The following AGMO variants were observed in gnomAD, a reference collection of about 807,000 sequenced individuals.
The protein encoded by AGMO is glyceryl-ether monooxygenase.
AGMO carries 75 observed loss-of-function variants against 60.2 expected under a neutral mutation model. The ratio of observed to expected loss-of-function variants is 1.25; its 90% CI spans 1.03 to 1.51. The LOEUF (loss-of-function observed/expected upper bound fraction) is 1.51. Among genes scored for constraint, AGMO ranks in the 40% most tolerant of loss-of-function variants. AGMO has a pLI of 0.00. For synonymous variants in AGMO, 261 were observed against 177.1 expected (o/e 1.47, Z -3.76); for missense variants, 763 against 525.5 (o/e 1.45, Z -4.42).
intron 12 of AGMO, among the ~76,000 whole-genome samples, chr7:15,320,426 G>A (rs1315122659): frequency 6.6e-6 from 1 of 151,634 alleles, no homozygotes; most frequent in Non-Finnish European, 1.5e-5. Context: ...ACCAAATTCT[G>A]TAACAATTTA....
chr7:15,302,422 G>C (rs1411625652), intron 12 of AGMO, among the ~76,000 whole-genome samples: 1 of 151,992 alleles, frequency 6.6e-6, no homozygotes, highest in Non-Finnish European at 1.5e-5. Flanking sequence ...AAGTTGGTAT[G>C]GCAATAAAAG....
intron 5 of AGMO, among the ~76,000 whole-genome samples, chr7:15,401,507 T>C (rs1373526304): frequency 6.6e-6 from 1 of 152,186 alleles, no homozygotes; most frequent in Non-Finnish European, 1.5e-5. Flanking sequence ...ATTCTGACTA[T>C]TGAGGTTGGA....
At chr7:15,360,805 G>C (rs1297015478) in intron 12 of AGMO, among the ~76,000 whole-genome samples, 2 of 152,162 alleles carry the variant, frequency 1.3e-5, no homozygotes, top group Non-Finnish European at 2.9e-5. Context: ...CCAGGATATG[G>C]TCAATTCTTA....
intron 5 of AGMO, among the ~76,000 whole-genome samples, chr7:15,411,509 TG>T (rs1186548722): frequency 2.0e-5 from 3 of 152,006 alleles, no homozygotes; most frequent in Non-Finnish European, 2.9e-5. Context: ...TTATTTGTAA[TG>T]TAAGTTGTTT....
intron 12 of AGMO, among the ~76,000 whole-genome samples, chr7:15,328,848 T>C (rs1781420924): frequency 6.6e-6 from 1 of 152,102 alleles, no homozygotes; most frequent in African/African-American, 2.4e-5. Context: ...CCTTTTCCTT[T>C]CCATCATCCC....
At chr7:15,132,101 A>G in the AGMO span, among the ~76,000 whole-genome samples, 133 of 152,244 alleles carry the variant, frequency 8.7e-4, no homozygotes, top group Middle Eastern at 3.4e-3. Flanking sequence ...GGATTTGAAG[A>G]GCCACACAGA....
the AGMO span, among the ~76,000 whole-genome samples, chr7:15,123,946 A>G: frequency 6.6e-6 from 1 of 152,090 alleles, no homozygotes; most frequent in Non-Finnish European, 1.5e-5. Context: ...TAGCACTTCT[A>G]TTCAATCTGT....
chr7:15,137,688 G>T, the AGMO span, among the ~76,000 whole-genome samples: 5 of 152,180 alleles, frequency 3.3e-5, no homozygotes, highest in African/African-American at 1.2e-4. Flanking sequence ...TAGGAATGAT[G>T]ATTCACAAGA....
chr7:15,450,183 G>A (rs1394283668), intron 3 of AGMO, among the ~76,000 whole-genome samples: 1 of 152,126 alleles, frequency 6.6e-6, no homozygotes, highest in African/African-American at 2.4e-5. Context: ...TGCTTTGGGA[G>A]GCCGAGGCGG....
At chr7:15,472,057 A>G (rs1329127839) in intron 3 of AGMO, among the ~76,000 whole-genome samples, 3 of 151,856 alleles carry the variant, frequency 2.0e-5, no homozygotes, top group Non-Finnish European at 2.9e-5. Context: ...TGAAGCCTAT[A>G]ATTTTTGATG....
At chr7:15,245,452 G>A (rs976778776) in intron 12 of AGMO, among the ~76,000 whole-genome samples, 1 of 152,128 alleles carries the variant, frequency 6.6e-6, no homozygotes, top group Admixed American at 6.6e-5. Flanking sequence ...TTCCTAATTA[G>A]CTCAACAGGG....
chr7:15,172,944 G>T, the AGMO span, among the ~76,000 whole-genome samples: 5 of 152,242 alleles, frequency 3.3e-5, no homozygotes, highest in East Asian at 9.6e-4. Context: ...AAATAACTTA[G>T]TTGGGAATCA....
At chr7:15,365,979 G>A (rs1782960744) in intron 11 of AGMO, among the ~76,000 whole-genome samples, 161 bp downstream of exon 11, 2 of 151,980 alleles carry the variant, frequency 1.3e-5, no homozygotes. Context: ...TAGGAGAACT[G>A]ATATAGTTAA....
chr7:15,228,336 C>A (rs1164389848), intron 12 of AGMO, among the ~76,000 whole-genome samples: 1 of 152,068 alleles, frequency 6.6e-6, no homozygotes, highest in African/African-American at 2.4e-5. Flanking sequence ...CATAGAACAT[C>A]TACAAGATTC....
chr7:15,353,802 G>A (rs1352485492), intron 12 of AGMO, among the ~76,000 whole-genome samples: 1 of 152,156 alleles, frequency 6.6e-6, no homozygotes, highest in Non-Finnish European at 1.5e-5. Context: ...TGCCTGTGTT[G>A]GTACTTTAAA....
At chr7:15,457,990 A>G (rs940103957) in intron 3 of AGMO, among the ~76,000 whole-genome samples, 2 of 152,214 alleles carry the variant, frequency 1.3e-5, no homozygotes, top group Non-Finnish European at 2.9e-5. Context: ...CATAACTAGG[A>G]AGCAAAAAAG....
the AGMO span, among the ~76,000 whole-genome samples, chr7:15,141,939 C>T: frequency 6.6e-6 from 1 of 152,188 alleles, no homozygotes; most frequent in African/African-American, 2.4e-5. Context: ...AGAAAGGTCA[C>T]TTCAGCCAGC....
In AGMO at chr7:15,556,177, G is replaced by A. The variant is rs1481924683; in HGVS notation, c.257+3964C>T. On this transcript the variant is annotated intron_variant, in intron 2 of 12. Coordinates refer to ENST00000342526, the MANE Select transcript of AGMO (RefSeq NM_001004320.2). ...CTTTATTCTCTGGCCCCACCCCAAA[G>A]AGTCAAAAATATTTTAAAGAAGTTT... 5.5e-5 allele frequency among the ~76,000 whole-genome samples: 8 copies of A among 146,640 alleles called. No homozygotes were observed. The South Asian group carries it at 1.7e-3, about 32-fold the overall frequency.
At chr7:15,118,326 C>T in the AGMO span, among the ~76,000 whole-genome samples, 8 of 152,012 alleles carry the variant, frequency 5.3e-5, no homozygotes, top group East Asian at 1.5e-3. Context: ...CATAATGAAA[C>T]ATGCAGAAGG....
Sources: gnomAD v4.1 joint callset for allele counts (sites outside exome capture counted in the v4.1 genomes callset) on GRCh38, gnomAD v4.1.1 for gene constraint, MANE v1.5 for transcripts, NCBI Gene and HGNC (gene_info 2026-07-23, HGNC 2026-07-21) for gene names.